CHST8: variants seen among roughly 807,000 people sequenced by gnomAD.
CHST8 encodes carbohydrate sulfotransferase 8.
CHST8 carries 10 observed loss-of-function variants against 15.0 expected under a neutral mutation model. The ratio of observed to expected loss-of-function variants is 0.67; its 90% CI spans 0.41 to 1.13. The LOEUF (loss-of-function observed/expected upper bound fraction) is 1.13. CHST8 is among the 50% of genes most tolerant of loss of function. The probability of loss-of-function intolerance (pLI) is 0.00; values close to 1 mark genes in which losing one functional copy is unlikely to be tolerated. For synonymous variants in CHST8, 259 were observed against 256.6 expected (o/e 1.01, Z -0.09); for missense variants, 634 against 608.2 (o/e 1.04, Z -0.45).
intron 2 of CHST8, among the ~76,000 whole-genome samples, chr19:33,688,681 G>A (rs1341234729): frequency 2.6e-5 from 4 of 152,122 alleles, no homozygotes. Flanking sequence ...AGAGCTGCCT[G>A]CTCTATGGAG....
At chr19:33,696,445 C>G (rs984429913) in intron 3 of CHST8, among the ~76,000 whole-genome samples, 1 of 152,028 alleles carries the variant, frequency 6.6e-6, no homozygotes, top group Non-Finnish European at 1.5e-5. Context: ...AGAGCTCGAA[C>G]CCTCTTGTGA....
chr19:33,676,436 G>A (rs1972810325), intron 2 of CHST8, among the ~76,000 whole-genome samples: 1 of 152,028 alleles, frequency 6.6e-6, no homozygotes, highest in South Asian at 2.1e-4. Context: ...CAGACGTGGT[G>A]GCACACGCCT....
intron 3 of CHST8, among the ~76,000 whole-genome samples, chr19:33,723,410 C>A (rs1479391754): frequency 6.6e-6 from 1 of 152,224 alleles, no homozygotes; most frequent in African/African-American, 2.4e-5. Flanking sequence ...TGTTCATCAT[C>A]AAGGTGTTGC....
chr19:33,692,458 G>A (rs1427407126), intron 3 of CHST8, among the ~76,000 whole-genome samples: 2 of 152,154 alleles, frequency 1.3e-5, no homozygotes, highest in African/African-American at 4.8e-5. Context: ...AGTACTTTGG[G>A]AGGCCTGGGT....
At chr19:33,758,566 G>C (rs978458245) in intron 3 of CHST8, among the ~76,000 whole-genome samples, 2 of 152,252 alleles carry the variant, frequency 1.3e-5, no homozygotes, top group African/African-American at 4.8e-5. Context: ...CTCCAGGCCA[G>C]CTCGGTAATT....
intron 1 of CHST8, among the ~76,000 whole-genome samples, chr19:33,639,903 G>A (rs1402738395): frequency 2.0e-5 from 3 of 150,106 alleles, no homozygotes; most frequent in Non-Finnish European, 4.4e-5. Context: ...GCAGTGGCGC[G>A]ATCTCGGCTT....
At chr19:33,672,417 C>T (rs1218650059) in intron 2 of CHST8, among the ~76,000 whole-genome samples, 1 of 152,122 alleles carries the variant, frequency 6.6e-6, no homozygotes, top group Non-Finnish European at 1.5e-5. Context: ...AGGCTGGTCT[C>T]AAACTCCTGA....
chr19:33,639,380 A>G (rs1213267798), intron 1 of CHST8, among the ~76,000 whole-genome samples: 1 of 152,140 alleles, frequency 6.6e-6, no homozygotes, highest in Non-Finnish European at 1.5e-5. Flanking sequence ...GGGCAGGGGC[A>G]TGGCACTGGG....
chr19:33,640,602 A>T (rs147842551), intron 1 of CHST8, among the ~76,000 whole-genome samples: 235 of 151,484 alleles, frequency 1.6e-3, no homozygotes, highest in Middle Eastern at 0.01. Flanking sequence ...CAAGATTTGT[A>T]TGAATAAATT....
At chr19:33,735,327 G>A (rs1974062810) in intron 3 of CHST8, among the ~76,000 whole-genome samples, 1 of 152,224 alleles carries the variant, frequency 6.6e-6, no homozygotes, top group Non-Finnish European at 1.5e-5. Context: ...GTTTCAGGAG[G>A]AAACTCACAG....
chr19:33,649,246 A>G (rs1485882106), intron 1 of CHST8, among the ~76,000 whole-genome samples: 2 of 152,036 alleles, frequency 1.3e-5, no homozygotes, highest in Non-Finnish European at 2.9e-5. Context: ...TTTGTGTGCT[A>G]GTATTTCACT....
chr19:33,644,594 A>G (rs1972326477), intron 1 of CHST8, among the ~76,000 whole-genome samples: 1 of 152,026 alleles, frequency 6.6e-6, no homozygotes, highest in African/African-American at 2.4e-5. Flanking sequence ...TTTTTTAATT[A>G]GCCAGGCATG....
intron 3 of CHST8, among the ~76,000 whole-genome samples, chr19:33,741,915 G>T (rs961145769): frequency 6.6e-6 from 1 of 152,074 alleles, no homozygotes; most frequent in Non-Finnish European, 1.5e-5. Context: ...GGGAACTGGG[G>T]AGAAATGCTC....
intron 1 of CHST8, among the ~76,000 whole-genome samples, chr19:33,624,695 C>T (rs1600221274): frequency 1.3e-5 from 2 of 152,312 alleles, no homozygotes; most frequent in South Asian, 2.1e-4. Context: ...GGAAACCTCG[C>T]GCAGGCTGCT....
intron 2 of CHST8, among the ~76,000 whole-genome samples, chr19:33,681,766 A>G (rs1415161105): frequency 6.6e-6 from 1 of 152,128 alleles, no homozygotes; most frequent in African/African-American, 2.4e-5. Flanking sequence ...GTGGAGGGGA[A>G]GTCAGGCCAG....
At chr19:33,696,957 C>T (rs1317528508) in intron 3 of CHST8, among the ~76,000 whole-genome samples, 1 of 151,910 alleles carries the variant, frequency 6.6e-6, no homozygotes, top group East Asian at 1.9e-4. Flanking sequence ...TCTCCTGCCT[C>T]AGCCTCCCAA....
At chr19:33,684,465 A>C (rs1236095277) in intron 2 of CHST8, 1 of 152,146 alleles carries the variant, frequency 6.6e-6, no homozygotes, top group African/African-American at 2.4e-5. Context: ...GAGTCTGAGC[A>C]CTCGCGCCCA....
At chr19:33,710,109 C>T (rs1973519914) in intron 3 of CHST8, among the ~76,000 whole-genome samples, 1 of 152,110 alleles carries the variant, frequency 6.6e-6, no homozygotes, top group African/African-American at 2.4e-5. Context: ...GGGCTTTGTT[C>T]ATTTCATTCA....
chr19:33,664,624 C>A (rs1972630474), intron 1 of CHST8, among the ~76,000 whole-genome samples: 1 of 151,786 alleles, frequency 6.6e-6, no homozygotes, highest in Admixed American at 6.6e-5. Flanking sequence ...CTGGACATCT[C>A]AAAAGGTTAT....
Sources: gnomAD v4.1 joint callset for allele counts (sites outside exome capture counted in the v4.1 genomes callset) on GRCh38, gnomAD v4.1.1 for gene constraint, MANE v1.5 for transcripts, NCBI Gene and HGNC (gene_info 2026-07-23, HGNC 2026-07-21) for gene names.